GTF2IRD1: variants seen among roughly 807,000 people sequenced by gnomAD.
GTF2IRD1 encodes general transcription factor II-I repeat domain-containing protein 1.
Under a neutral mutation model 113.2 loss-of-function variants are expected in GTF2IRD1, and 26 were observed. That is an observed-to-expected ratio of 0.23 (90% confidence interval 0.17 to 0.32). GTF2IRD1 has a LOEUF of 0.32. Among genes scored for constraint, GTF2IRD1 ranks in the 10% least tolerant of loss-of-function variants. The pLI, the probability that GTF2IRD1 is intolerant of heterozygous loss-of-function variation, is 1.00. For synonymous variants in GTF2IRD1, 484 were observed against 529.1 expected (o/e 0.91, Z 1.17); for missense variants, 864 against 1,280.8 (o/e 0.67, Z 4.97).
intron 19 of GTF2IRD1, among the ~76,000 whole-genome samples, chr7:74,556,725 G>A: frequency 6.7e-6 from 1 of 148,376 alleles, no homozygotes; most frequent in Non-Finnish European, 1.5e-5. Flanking sequence ...CCAGGTTCAA[G>A]GGGTTCTCTT....
In GTF2IRD1 at chr7:74,555,067, GA is replaced by G. The variant is rs1554356265; in HGVS notation, c.1917-105del. The G allele has an allele frequency of 4.0e-6, 4 of 991,546 alleles. No individual in the cohort carries two copies. The highest frequency in any genetic ancestry group is 6.1e-6 in the Non-Finnish European group (4 of 653,876). 61.4% of individuals were successfully genotyped at this position (991,546 alleles called of 1,614,324 possible). A position where few individuals can be genotyped will look rare whatever the true frequency, so the allele number is the denominator to read the frequency against. On this transcript the variant is annotated intron_variant, in intron 17 of 26. Coordinates refer to ENST00000424337, the MANE Select transcript of GTF2IRD1 (RefSeq NM_005685.4). The surrounding 1 kb of genome is among the most constrained non-coding windows in gnomAD (Gnocchi z 5.3). ...TCCAGGCCTGAACTATGCATAGCCA[GA>G]AGGGTCCATTGCAGGGCTGTGTAGA...
Position 74,519,633 on chromosome 7 carries a change from G to A in GTF2IRD1, c.830G>A (p.Cys277Tyr), listed in dbSNP as rs1204394056. Residue 277 changes from cysteine to tyrosine, a missense_variant, in exon 6 of 27, where the codon TGC becomes TAC. Coordinates refer to ENST00000424337, the MANE Select transcript of GTF2IRD1 (RefSeq NM_005685.4). Reference sequence around the variant, plus strand: ...GAGCTCAAGCAGGAAGCACCTTCCTGCCCCCTTGCCCCCAGCGACCTGGGC... The same window carrying A: ...GAGCTCAAGCAGGAAGCACCTTCCTACCCCCTTGCCCCCAGCGACCTGGGC... ...IRELKQEAPS[C>Y]PLAPSDLGLS... 5.0e-6 allele frequency: 8 copies of A among 1,611,400 alleles called. No homozygotes were observed. The Admixed American group carries it at 1.3e-4, about 27-fold the overall frequency.
rs1796700469 is a variant in GTF2IRD1, at chr7:74,512,569, C to G, written c.124-261C>G. 6.6e-6 allele frequency among the ~76,000 whole-genome samples: 1 copy of G among 152,162 alleles called. No homozygotes were observed. The highest frequency in any genetic ancestry group is 2.4e-5 in the African/African-American group (1 of 41,428). On this transcript the variant is annotated intron_variant, in intron 2 of 26. Coordinates refer to ENST00000424337, the MANE Select transcript of GTF2IRD1 (RefSeq NM_005685.4). This position sits in a 1 kb window ranked among gnomAD's most constrained non-coding sequence, Gnocchi z 4.4. ...CCCTGGGGCTGGGGCTAAGGGGGGC[C>G]TACCCCAAGGAGGAGGACCTTGGAG...
intron 1 of GTF2IRD1, 109 bp downstream of exon 1, chr7:74,454,285 C>T (rs1346788897): frequency 1.3e-5 from 2 of 151,704 alleles, no homozygotes; most frequent in Non-Finnish European, 2.9e-5. Flanking sequence ...CGCCCCTCCC[C>T]CTCTCAAGGT....
At chr7:74,454,455 C>T (rs1035784225) in intron 1 of GTF2IRD1, among the ~76,000 whole-genome samples, 1 of 151,964 alleles carries the variant, frequency 6.6e-6, no homozygotes, top group South Asian at 2.1e-4. Flanking sequence ...ACCGGCTCTT[C>T]TGGAGGTGGG....
intron 1 of GTF2IRD1, chr7:74,487,638 C>T (rs1795106287): frequency 6.6e-6 from 1 of 152,094 alleles, no homozygotes; most frequent in Non-Finnish European, 1.5e-5. Context: ...GAAAGCCTAG[C>T]TTATTTAAAG....
At chr7:74,461,158 C>T (rs541854671) in intron 1 of GTF2IRD1, among the ~76,000 whole-genome samples, 1 of 152,080 alleles carries the variant, frequency 6.6e-6, no homozygotes, top group South Asian at 2.1e-4. Context: ...GTGTGTGGGA[C>T]CCCCGGGGGC....
intron 2 of GTF2IRD1, among the ~76,000 whole-genome samples, chr7:74,508,747 C>T (rs1796447219): frequency 6.6e-6 from 1 of 151,948 alleles, no homozygotes; most frequent in African/African-American, 2.4e-5. Flanking sequence ...CCGCCCTCGT[C>T]CCCTTGTCCC....
At chr7:74,454,854 G>C (rs1318225064) in intron 1 of GTF2IRD1, among the ~76,000 whole-genome samples, 1 of 152,200 alleles carries the variant, frequency 6.6e-6, no homozygotes, top group Non-Finnish European at 1.5e-5. Context: ...CTGAGTTCCT[G>C]CAGATGGGTG....
At chr7:74,517,213 G>A (rs1448518433) in intron 4 of GTF2IRD1, among the ~76,000 whole-genome samples, 5 of 151,488 alleles carry the variant, frequency 3.3e-5, no homozygotes, top group South Asian at 4.2e-4. Context: ...TAGTAGAGAC[G>A]GGGTTTCACC....
At chr7:74,472,253 G>A (rs1159376067) in intron 1 of GTF2IRD1, among the ~76,000 whole-genome samples, 2 of 56,122 alleles carry the variant, frequency 3.6e-5, no homozygotes, top group African/African-American at 7.4e-5. Context: ...CTGCAGTGGG[G>A]CCCCCCTCTT....
At chr7:74,536,854 TA>T (rs1320832220) in intron 11 of GTF2IRD1, among the ~76,000 whole-genome samples, 1 of 152,082 alleles carries the variant, frequency 6.6e-6, no homozygotes, top group Non-Finnish European at 1.5e-5. Flanking sequence ...CTCACTCCTG[TA>T]ATCCCAGCGC....
chr7:74,591,681 G>C (rs1802073688), intron 24 of GTF2IRD1, among the ~76,000 whole-genome samples: 1 of 151,086 alleles, frequency 6.6e-6, no homozygotes, highest in Non-Finnish European at 1.5e-5. Flanking sequence ...CACCCAGCCT[G>C]CATTATTACT....
In GTF2IRD1 at chr7:74,526,807, A is replaced by G. The variant is rs587766038; in HGVS notation, c.1090+2653A>G. ...GCTGCTGATGTGGGAGGTGGGGGGGAAGTGGGGAGAGATGCTTTGCCAGCT... is the reference window on the plus strand; with the variant it reads ...GCTGCTGATGTGGGAGGTGGGGGGGGAGTGGGGAGAGATGCTTTGCCAGCT... On this transcript the variant is annotated intron_variant, in intron 8 of 26. Transcript: ENST00000424337. Among the ~76,000 whole-genome samples the G allele has an allele frequency of 1.1e-4, 16 of 150,912 alleles. 1 individual carries two copies. The South Asian group carries it at 3.2e-3, about 30-fold the overall frequency.
intron 22 of GTF2IRD1, among the ~76,000 whole-genome samples, chr7:74,579,660 G>A (rs1172808669): frequency 3.3e-5 from 5 of 151,942 alleles, no homozygotes; most frequent in African/African-American, 1.2e-4. Flanking sequence ...TGTAAAATGG[G>A]TTTTTGGTAG....
intron 1 of GTF2IRD1, among the ~76,000 whole-genome samples, chr7:74,492,544 T>C (rs58285567): frequency 0.1 from 15,895 of 152,174 alleles, 912 homozygotes; most frequent in Middle Eastern, 0.13. Flanking sequence ...GTGGTTGTGA[T>C]TTGCATTTCA....
intron 22 of GTF2IRD1, among the ~76,000 whole-genome samples, chr7:74,575,558 C>T (rs1472109373): frequency 3.3e-5 from 5 of 152,206 alleles, no homozygotes; most frequent in South Asian, 2.1e-4. Flanking sequence ...ATAATCCAGG[C>T]GACGCCTGTG....
At chr7:74,510,182 G>C (rs562154765) in intron 2 of GTF2IRD1, among the ~76,000 whole-genome samples, 1 of 152,248 alleles carries the variant, frequency 6.6e-6, no homozygotes, top group Admixed American at 6.5e-5. Context: ...CTTTCATGAG[G>C]AGGGGGCCCC....
intron 17 of GTF2IRD1, among the ~76,000 whole-genome samples, chr7:74,550,249 T>A (rs1236672326): frequency 6.9e-6 from 1 of 145,814 alleles, no homozygotes; most frequent in African/African-American, 2.5e-5. Flanking sequence ...AAACTCATGA[T>A]AGACATATAG....
Sources: gnomAD v4.1 joint callset for allele counts (sites outside exome capture counted in the v4.1 genomes callset) on GRCh38, gnomAD v4.1.1 for gene constraint, Gnocchi (gnomAD v3.1) non-coding constraint, MANE v1.5 for transcripts, NCBI Gene and HGNC (gene_info 2026-07-23, HGNC 2026-07-21) for gene names.